PHLDB2: variants seen among roughly 807,000 people sequenced by gnomAD.
PHLDB2 encodes pleckstrin homology like domain family B member 2.
In PHLDB2, 71 loss-of-function variants were observed where a neutral mutation model predicts 123.6. The ratio of observed to expected loss-of-function variants is 0.57; its 90% CI spans 0.47 to 0.70. The LOEUF (loss-of-function observed/expected upper bound fraction) is 0.70, where lower values mean the gene tolerates loss of function less well. Among genes scored for constraint, PHLDB2 ranks in the 30% least tolerant of loss-of-function variants. The pLI is 0.00. For synonymous variants in PHLDB2, 547 were observed against 541.6 expected, an observed-to-expected ratio of 1.01 and a Z score of -0.14; for missense variants, 1,446 against 1,519.5, an observed-to-expected ratio of 0.95 and a Z score of 0.80.
intron 2 of PHLDB2, among the ~76,000 whole-genome samples, chr3:111,903,910 A>G (rs2067348862): frequency 6.6e-6 from 1 of 152,182 alleles, no homozygotes; most frequent in Non-Finnish European, 1.5e-5. Flanking sequence ...TAACTGTGTT[A>G]TAGGTCTGAT....
intron 8 of PHLDB2, among the ~76,000 whole-genome samples, chr3:111,942,753 G>A (rs1461566180): frequency 6.6e-6 from 1 of 151,646 alleles, no homozygotes; most frequent in East Asian, 1.9e-4. Context: ...CTGTTATAGT[G>A]TTGCTGACTG....
At chr3:111,882,545 A>C (rs140261512) in intron 1 of PHLDB2, among the ~76,000 whole-genome samples, 1 of 152,228 alleles carries the variant, frequency 6.6e-6, no homozygotes, top group Non-Finnish European at 1.5e-5. Context: ...GCCAAATATA[A>C]TGAAGAAACT....
At chr3:111,910,463 C>G (rs1483447728) in intron 2 of PHLDB2, among the ~76,000 whole-genome samples, 1 of 152,124 alleles carries the variant, frequency 6.6e-6, no homozygotes, top group Non-Finnish European at 1.5e-5. Flanking sequence ...CAGCCAGCCT[C>G]TTGACTTATT....
At position 111,912,596 on chromosome 3, in the gene PHLDB2, GA is replaced by G. The variant is rs1031103857; in HGVS notation, c.1336-714del. Among the ~76,000 whole-genome samples the G allele has an allele frequency of 4.0e-5, 6 of 150,856 alleles. No individual in the cohort carries two copies. In the South Asian group the frequency reaches 8.3e-4, roughly 21 times the overall value. ...TTTAGAAAATTTTCAAAATTTTCAA[GA>G]AAAAAAAATTGAAGACATAGGTCTT... On this transcript the variant is annotated intron_variant, in intron 2 of 17. Transcript: ENST00000431670.
In PHLDB2 at chr3:111,777,788, A is replaced by C. The variant is rs145071433; in HGVS notation, c.-49+45085A>C. Among the ~76,000 whole-genome samples, 171 of 152,268 alleles carry C rather than the reference A, an allele frequency of 1.1e-3. 1 individual carries two copies. The highest frequency in any genetic ancestry group is 3.8e-3 in the African/African-American group (157 of 41,560). ...AATTTCATCTGATTCCTCTTCAAAG[A>C]AATAGGAGGCACTATTCTAATGGGC... On this transcript the variant is annotated intron_variant, in intron 1 of 17. Transcript: ENST00000393923.
At chr3:111,930,934 A>C (rs181744769) in intron 5 of PHLDB2, among the ~76,000 whole-genome samples, 222 of 152,340 alleles carry the variant, frequency 1.5e-3, no homozygotes, top group Non-Finnish European at 2.5e-3. Context: ...TCTAAATTTA[A>C]GTGAAAAATG....
intron 12 of PHLDB2, among the ~76,000 whole-genome samples, chr3:111,961,763 A>G (rs191898231): frequency 1.6e-4 from 24 of 152,230 alleles, no homozygotes; most frequent in African/African-American, 5.8e-4. Context: ...TCTTATTTTC[A>G]CTTGAACACA....
rs1275173584 is a variant in PHLDB2 at position 111,962,453 on chromosome 3, G to T, written c.3077+141G>T. On this transcript the variant is annotated intron_variant, in intron 13 of 17. Transcript: ENST00000431670. ...AGGGTCTGTAATGCAGAAGAGGGTT[G>T]GTATCATGATGGCCTTTGAAAGTAG... is the stretch of plus-strand genomic sequence containing the variant. 3 of 663,846 alleles carry T rather than the reference G, an allele frequency of 4.5e-6. No homozygotes were observed. The African/African-American group carries it at 5.8e-5, about 13-fold the overall frequency. The allele number at this position is 663,846 out of a possible 1,614,324, so 41.1% of individuals were successfully genotyped here.
intron 1 of PHLDB2, among the ~76,000 whole-genome samples, chr3:111,774,773 C>G (rs2060237714): frequency 6.6e-6 from 1 of 152,184 alleles, no homozygotes; most frequent in Non-Finnish European, 1.5e-5. Flanking sequence ...GGTTGCCAAA[C>G]CTATCCCTAA....
upstream of PHLDB2, among the ~76,000 whole-genome samples, chr3:111,855,404 T>C (rs1387569988): frequency 3.3e-5 from 5 of 151,300 alleles, no homozygotes; most frequent in South Asian, 2.1e-4. Context: ...ACTCTCTCTT[T>C]CTTCCTTCCT....
chr3:111,877,328 G>A (rs1391125216), intron 1 of PHLDB2, among the ~76,000 whole-genome samples: 1 of 152,250 alleles, frequency 6.6e-6, no homozygotes, highest in African/African-American at 2.4e-5. Context: ...CAGTGATGAT[G>A]AGCTTTTTTT....
chr3:111,906,610 G>A lies in PHLDB2; in HGVS notation c.1336-6709G>A, dbSNP rs79514694. 3.6e-4 allele frequency among the ~76,000 whole-genome samples: 55 copies of A among 152,322 alleles called. No individual in the cohort carries two copies. In the East Asian group the frequency reaches 9.1e-3, roughly 25 times the overall value. ...AAGTGTATTGAGCATGTTTGAGAAA[G>A]GGTATTGAAAAATCAATGACTGGTA... On this transcript the variant is annotated intron_variant, in intron 2 of 17. Coordinates refer to ENST00000431670, the MANE Select transcript of PHLDB2 (RefSeq NM_001134438.2).
At chr3:111,796,231 G>A (rs2061156313) in intron 1 of PHLDB2, among the ~76,000 whole-genome samples, 1 of 152,126 alleles carries the variant, frequency 6.6e-6, no homozygotes, top group Admixed American at 6.5e-5. Flanking sequence ...GAGAGGAATA[G>A]AAAAACGCCT....
intron 1 of PHLDB2, among the ~76,000 whole-genome samples, chr3:111,753,467 A>G (rs2059822299): frequency 6.7e-6 from 1 of 148,690 alleles, no homozygotes; most frequent in Non-Finnish European, 1.5e-5. Context: ...GTGTCTGTTC[A>G]TGTCCTTCGC....
chr3:111,753,112 T>C (rs1238182831), intron 1 of PHLDB2, among the ~76,000 whole-genome samples: 3 of 152,032 alleles, frequency 2.0e-5, no homozygotes, highest in African/African-American at 7.3e-5. Context: ...TAAACGTATG[T>C]GTGCATGTGT....
At chr3:111,896,853 G>C (rs1000375971) in intron 2 of PHLDB2, among the ~76,000 whole-genome samples, 1 of 151,700 alleles carries the variant, frequency 6.6e-6, no homozygotes, top group Non-Finnish European at 1.5e-5. Flanking sequence ...TTATGAAGGT[G>C]CTTATTAGAA....
At chr3:111,955,041 TACAC>T (rs200702766) in intron 12 of PHLDB2, among the ~76,000 whole-genome samples, 2 of 150,026 alleles carry the variant, frequency 1.3e-5, no homozygotes, top group South Asian at 2.1e-4. Context: ...AATATATATA[TACAC>T]ACACACACAC....
chr3:111,917,979 T>A (rs2068275685), intron 3 of PHLDB2, among the ~76,000 whole-genome samples: 1 of 152,168 alleles, frequency 6.6e-6, no homozygotes, highest in African/African-American at 2.4e-5. Flanking sequence ...TGTGAAACTG[T>A]ATAATTATTG....
Position 111,962,154 on chromosome 3 carries a change from A to G in PHLDB2, c.2919A>G (p.Glu973=). The G allele has an allele frequency of 1.3e-6, 2 of 1,583,950 alleles. No homozygotes were observed. Among genetic ancestry groups the G allele is most frequent in the South Asian group, 1.2e-5 (1 of 85,438 alleles). Residue 973 remains glutamate (E), a synonymous_variant, in exon 13 of 18, where the codon GAA becomes GAG. Transcript: ENST00000431670. ...GTGAAGGACACAGGCAGAAATCTGA[A>G]TTTTATAACCGCACAGCATCTGAAT... ...QMSEGHRQKS[E]FYNRTASESN... is the part of the protein sequence containing the mutation.
Sources: allele counts gnomAD v4.1 joint callset (sites outside exome capture counted in the v4.1 genomes callset), GRCh38; gene constraint gnomAD v4.1.1; transcripts MANE v1.5; gene names NCBI Gene and HGNC (gene_info 2026-07-23, HGNC 2026-07-21).